CHD1L: variants seen among roughly 807,000 people sequenced by gnomAD.
CHD1L encodes the protein chromodomain helicase DNA binding protein 1 like.
A neutral mutation model predicts 115.9 loss-of-function variants in CHD1L; 118 were observed. The ratio of observed to expected loss-of-function variants is 1.02; its 90% CI spans 0.88 to 1.19. The LOEUF (loss-of-function observed/expected upper bound fraction) is 1.19. Among genes scored for constraint, CHD1L ranks in the 50% most tolerant of loss-of-function variants. CHD1L has a pLI of 0.00. For missense variants in CHD1L, 1,179 were observed against 1,065.3 expected, an observed-to-expected ratio of 1.11 and a Z score of -1.49; for synonymous variants, 411 against 387.1, an observed-to-expected ratio of 1.06 and a Z score of -0.72.
intron 20 of CHD1L, among the ~76,000 whole-genome samples, chr1:147,293,350 G>A (rs142699267): frequency 4.7e-4 from 71 of 151,764 alleles, no homozygotes; most frequent in African/African-American, 1.6e-3. Flanking sequence ...GAAAGTATAT[G>A]TTTTGGACTC....
chr1:147,277,058 T>C (rs1559839531), intron 14 of CHD1L, among the ~76,000 whole-genome samples: 3 of 152,096 alleles, frequency 2.0e-5, no homozygotes, highest in African/African-American at 4.8e-5. Flanking sequence ...AGTAGGGAGA[T>C]AGAAAATTCA....
chr1:147,276,568 TAAAG>T (rs1678562662), intron 14 of CHD1L, among the ~76,000 whole-genome samples: 1 of 152,196 alleles, frequency 6.6e-6, no homozygotes, highest in Non-Finnish European at 1.5e-5. Flanking sequence ...TTAGTTAAAA[TAAAG>T]AACTCAATAA....
chr1:147,222,664 T>C, the CHD1L span, among the ~76,000 whole-genome samples: 46 of 152,278 alleles, frequency 3.0e-4, no homozygotes, highest in African/African-American at 1.1e-3. Flanking sequence ...GGAACAGAAG[T>C]CAGAGCGTTA....
rs1284554489 is a variant in CHD1L at position 147,264,627 on chromosome 1, C to T, written c.739+43C>T. 3 of 1,597,674 alleles carry T rather than the reference C, an allele frequency of 1.9e-6. No homozygotes were observed. In the African/African-American group the frequency reaches 4.0e-5, roughly 22 times the overall value. On this transcript the variant is annotated intron_variant, in intron 7 of 22. Coordinates refer to ENST00000369258, the MANE Select transcript of CHD1L (RefSeq NM_004284.6). Reference sequence around the variant, plus strand: ...AAATCATCCCCAAGAAGCCTTGGCACAGAAACCATCCTCATGCATAATGGT... The same window carrying T: ...AAATCATCCCCAAGAAGCCTTGGCATAGAAACCATCCTCATGCATAATGGT...
the CHD1L span, among the ~76,000 whole-genome samples, chr1:147,174,269 C>T: frequency 6.6e-6 from 1 of 152,152 alleles, no homozygotes; most frequent in East Asian, 1.9e-4. Flanking sequence ...TACTTTTCTC[C>T]CTCCACCCCT....
rs782102437 is a variant in CHD1L at position 147,268,975 on chromosome 1, C to CTT, written c.1085+104_1085+105dup. ...AGTTGTTCAGGCCAATTCCAGTTTT[C>CTT]TTTTTTTTCTTAACACTGATTCAGG... is the stretch of plus-strand genomic sequence containing the variant. On this transcript the variant is annotated intron_variant, in intron 10 of 22. Transcript: ENST00000369258. 3,197 of 703,656 alleles carry CTT rather than the reference C, an allele frequency of 4.5e-3. 2 individuals are homozygous for CTT. Among genetic ancestry groups the CTT allele is most frequent in the Non-Finnish European group, 5.5e-3 (2,387 of 435,376 alleles). The allele number at this position is 703,656 out of a possible 1,614,324, so 43.6% of individuals were successfully genotyped here. A position where few individuals can be genotyped will look rare whatever the true frequency, so the allele number is the denominator to read the frequency against.
At chr1:147,187,515 C>T in the CHD1L span, among the ~76,000 whole-genome samples, 7 of 152,124 alleles carry the variant, frequency 4.6e-5, no homozygotes, top group Non-Finnish European at 7.4e-5. Flanking sequence ...GAGCTGTAAT[C>T]GTTAGGTTCT....
chr1:147,224,450 A>G, the CHD1L span: 1 of 158,972 alleles, frequency 6.3e-6, no homozygotes, highest in South Asian at 1.8e-4. Context: ...AATGCATGTC[A>G]GTTTGGAGAT....
chr1:147,204,443 G>A, the CHD1L span: 1 of 1,266,114 alleles, frequency 7.9e-7, no homozygotes, highest in Non-Finnish European at 1.2e-6. Context: ...GAGGTACGAA[G>A]TAGAGATGAG....
intron 20 of CHD1L, among the ~76,000 whole-genome samples, chr1:147,292,778 C>T (rs1553971716): frequency 2.6e-5 from 4 of 152,120 alleles, no homozygotes; most frequent in African/African-American, 9.7e-5. Context: ...ATGTGAACTA[C>T]CAGAGCAAGA....
chr1:147,286,606 T>A, intron 18 of CHD1L, 106 bp downstream of exon 18: 2 of 959,898 alleles, frequency 2.1e-6, no homozygotes, highest in Non-Finnish European at 3.1e-6. Context: ...AGTGTAGTAT[T>A]GTACAGTCAA....
chr1:147,285,975 G>A (rs1682952956), intron 17 of CHD1L, among the ~76,000 whole-genome samples: 1 of 152,100 alleles, frequency 6.6e-6, no homozygotes, highest in Non-Finnish European at 1.5e-5. Context: ...GGGATTACAG[G>A]CGTGAGCTAC....
intron 15 of CHD1L, among the ~76,000 whole-genome samples, chr1:147,282,110 A>G (rs1050466300): frequency 1.3e-5 from 2 of 152,154 alleles, no homozygotes; most frequent in African/African-American, 4.8e-5. Flanking sequence ...TGGCTGTCTG[A>G]TCACATGTGC....
At chr1:147,195,758 A>C in the CHD1L span, among the ~76,000 whole-genome samples, 2 of 152,122 alleles carry the variant, frequency 1.3e-5, no homozygotes, top group Non-Finnish European at 2.9e-5. Flanking sequence ...CACTCCATAA[A>C]ATTGTGGAAT....
At chr1:147,287,523 T>G (rs1228233499) in intron 18 of CHD1L, 112 bp from the exon 19 acceptor site, 2 of 696,472 alleles carry the variant, frequency 2.9e-6, no homozygotes, top group African/African-American at 3.6e-5. Context: ...ATTTTGTTTC[T>G]TCCCTTTGAA....
At chr1:147,178,972 G>A in the CHD1L span, 1 of 1,613,158 alleles carries the variant, frequency 6.2e-7, no homozygotes, top group Non-Finnish European at 8.5e-7. Flanking sequence ...AATGATGGTG[G>A]CAAAGAAATT....
chr1:147,289,419 A>G (rs1207355974), intron 19 of CHD1L, among the ~76,000 whole-genome samples: 2 of 152,196 alleles, frequency 1.3e-5, no homozygotes, highest in Non-Finnish European at 2.9e-5. Flanking sequence ...AGTTCATGGT[A>G]TTAGACACTG....
rs781795332 is a variant in CHD1L, at chr1:147,284,377, A to T, written c.1732A>T (p.Lys578Ter). 1 of 1,587,890 alleles carries T rather than the reference A, an allele frequency of 6.3e-7. No homozygotes were observed. The highest frequency in any genetic ancestry group is 8.6e-7 in the Non-Finnish European group (1 of 1,167,000). Residue 578 changes from lysine to a stop codon, truncating the protein, a stop_gained, in exon 16 of 23, where the codon AAA becomes TAA. Coordinates refer to ENST00000369258, the MANE Select transcript of CHD1L (RefSeq NM_004284.6). LOFTEE classifies it high-confidence loss of function. ...AAATCATATGTACTTATTTGAAGGT[A>T]AAGATTATTCTAAAGAGCCCAGTAA... The part of the protein sequence containing the change: ...GKNHMYLFEG[K>*]DYSKEPSKED...
chr1:147,249,350 T>C (rs1488954622), intron 1 of CHD1L, among the ~76,000 whole-genome samples: 1 of 151,918 alleles, frequency 6.6e-6, no homozygotes, highest in Non-Finnish European at 1.5e-5. Context: ...GCATTTAAGA[T>C]ATTTTCTTTG....
Sources: allele counts gnomAD v4.1 joint callset (sites outside exome capture counted in the v4.1 genomes callset), GRCh38; gene constraint gnomAD v4.1.1; transcripts MANE v1.5; gene names NCBI Gene and HGNC (gene_info 2026-07-23, HGNC 2026-07-21).